The following SGTA variants were observed in gnomAD, a reference collection of about 807,000 sequenced individuals.
SGTA encodes small glutamine rich tetratricopeptide repeat co-chaperone alpha.
A neutral mutation model predicts 44.3 loss-of-function variants in SGTA; 22 were observed. The ratio of observed to expected loss-of-function variants is 0.50; its 90% CI spans 0.36 to 0.71. The LOEUF (loss-of-function observed/expected upper bound fraction) is 0.71. Among genes scored for constraint, SGTA ranks in the 30% least tolerant of loss-of-function variants. The pLI is 0.00. For synonymous variants in SGTA, 174 were observed against 177.6 expected, an observed-to-expected ratio of 0.98 and a Z score of 0.16; for missense variants, 341 against 435.9, an observed-to-expected ratio of 0.78 and a Z score of 1.94.
At chr19:2,759,216 T>A in intron 9 of SGTA, 41 bp downstream of exon 9, 1 of 1,595,636 alleles carries the variant, frequency 6.3e-7, no homozygotes, top group Non-Finnish European at 8.6e-7. Context: ...AAAAGGAAAT[T>A]TAACCACAAC....
At chr19:2,774,109 G>C (rs528815459) in intron 1 of SGTA, among the ~76,000 whole-genome samples, 1 of 152,232 alleles carries the variant, frequency 6.6e-6, no homozygotes, top group African/African-American at 2.4e-5. Context: ...GAGAGACGAT[G>C]AACTCTGTTT....
rs1568305595 is a variant in SGTA, at chr19:2,754,912, G to C, written c.*1028C>G. 1 of 152,298 alleles carries C rather than the reference G, an allele frequency of 6.6e-6. No homozygotes were observed. Among genetic ancestry groups the C allele is most frequent in the Non-Finnish European group, 1.5e-5 (1 of 68,126 alleles). 9.4% of individuals were successfully genotyped at this position (152,298 alleles called of 1,614,324 possible). A position where few individuals can be genotyped will look rare whatever the true frequency, so the allele number is the denominator to read the frequency against. The stretch of plus-strand genomic sequence containing the variant: ...CCAGGATGCTCCGACTGACAACCCT[G>C]CTGCTGGGACCACGGCGCCGTGGGC... On this transcript the variant is annotated 3_prime_UTR_variant, in exon 12 of 12. Transcript: ENST00000221566. The surrounding 1 kb of genome is among the most constrained non-coding windows in gnomAD (Gnocchi z 4.4).
Position 2,755,239 on chromosome 19 carries a change from C to A in SGTA, c.*701G>T, listed in dbSNP as rs1457940969. 1 of 217,004 alleles carries A rather than the reference C, an allele frequency of 4.6e-6. No individual in the cohort carries two copies. Among genetic ancestry groups the A allele is most frequent in the African/African-American group, 2.3e-5 (1 of 42,702 alleles). 13.4% of individuals were successfully genotyped at this position (217,004 alleles called of 1,614,324 possible). Reference sequence around the variant, plus strand: ...GCCCCTGGCTCTCAGTCGCGAGGACCAGAAAATGAGGGTGGGAGGAGGGGA... The same window carrying A: ...GCCCCTGGCTCTCAGTCGCGAGGACAAGAAAATGAGGGTGGGAGGAGGGGA... On this transcript the variant is annotated 3_prime_UTR_variant, in exon 12 of 12. Transcript: ENST00000221566. This position sits in a 1 kb window ranked among gnomAD's most constrained non-coding sequence, Gnocchi z 5.2.
In SGTA at chr19:2,754,818, C is replaced by G. The variant is rs948747621; in HGVS notation, c.*1122G>C. 1 of 152,292 alleles carries G rather than the reference C, an allele frequency of 6.6e-6. No homozygotes were observed. The highest frequency in any genetic ancestry group is 1.5e-5 in the Non-Finnish European group (1 of 68,126). 9.4% of individuals were successfully genotyped at this position (152,292 alleles called of 1,614,324 possible). On this transcript the variant is annotated 3_prime_UTR_variant, in exon 12 of 12. Transcript: ENST00000221566. This position sits in a 1 kb window ranked among gnomAD's most constrained non-coding sequence, Gnocchi z 4.4. ...AGCGGCTGCAGGGCCGCGGCGGCCC[C>G]CGTTCCTACTGCTACCTACGATACA...
At chr19:2,781,452 T>C (rs1915573844) in intron 1 of SGTA, among the ~76,000 whole-genome samples, 1 of 152,210 alleles carries the variant, frequency 6.6e-6, no homozygotes, top group Admixed American at 6.5e-5. Flanking sequence ...CGAAATCAAC[T>C]ACAGGTAACG....
chr19:2,774,489 T>C (rs1187557107), intron 1 of SGTA, among the ~76,000 whole-genome samples: 1 of 152,164 alleles, frequency 6.6e-6, no homozygotes, highest in East Asian at 1.9e-4. Flanking sequence ...CAAATGTCCA[T>C]TTTAACTTTA....
Position 2,763,731 on chromosome 19 carries a change from T to C in SGTA, c.419A>G (p.Asn140Ser). ...NRAAAYSKLG[N>S]YAGAVQDCER... Reference sequence around the variant, plus strand: ...ACAGTCCTGCACCGCGCCTGCGTAGTTGCCGAGTTTGCTGTAGGCTGCGGC... The same window carrying C: ...ACAGTCCTGCACCGCGCCTGCGTAGCTGCCGAGTTTGCTGTAGGCTGCGGC... Residue 140 changes from asparagine to serine, a missense_variant, in exon 6 of 12, where the codon AAC becomes AGC. Coordinates refer to ENST00000221566, the MANE Select transcript of SGTA (RefSeq NM_003021.4). This position sits in a 1 kb window ranked among gnomAD's most constrained non-coding sequence, Gnocchi z 5.8. 1 of 1,613,804 alleles carries C rather than the reference T, an allele frequency of 6.2e-7. No homozygotes were observed. Among genetic ancestry groups the C allele is most frequent in the Non-Finnish European group, 8.5e-7 (1 of 1,179,922 alleles).
Position 2,765,101 on chromosome 19 carries a change from C to T in SGTA, c.392+85G>A, listed in dbSNP as rs1372136457. On this transcript the variant is annotated intron_variant, in intron 5 of 11. Transcript: ENST00000221566. The surrounding 1 kb of genome is among the most constrained non-coding windows in gnomAD (Gnocchi z 5.5). ...TCCCTCATCTACAGCGCAGAGGCCT[C>T]TCCCATCTCAGGTCCCTGCTAAGCA... The T allele has an allele frequency of 6.2e-5, 57 of 915,628 alleles. No individual in the cohort carries two copies. The highest frequency in any genetic ancestry group is 9.9e-5 in the Non-Finnish European group (55 of 556,936). 56.7% of individuals were successfully genotyped at this position (915,628 alleles called of 1,614,324 possible). A position where few individuals can be genotyped will look rare whatever the true frequency, so the allele number is the denominator to read the frequency against.
At position 2,765,019 on chromosome 19, in the gene SGTA, G is replaced by C. The variant is rs111267543; in HGVS notation, c.392+167C>G. ...TTTTAAATCAGCATCGACTCTCCCC[G>C]ACCCCGTTGCTGGTCACCTGATGCT... is the stretch of plus-strand genomic sequence containing the variant. On this transcript the variant is annotated intron_variant, in intron 5 of 11. Transcript: ENST00000221566. This position sits in a 1 kb window ranked among gnomAD's most constrained non-coding sequence, Gnocchi z 5.5. Among the ~76,000 whole-genome samples, 3 of 151,936 alleles carry C rather than the reference G, an allele frequency of 2.0e-5. No homozygotes were observed. Among genetic ancestry groups the C allele is most frequent in the Non-Finnish European group, 2.9e-5 (2 of 68,006 alleles).
In SGTA at chr19:2,765,188, G is replaced by A; in HGVS notation, c.390C>T (p.Asn130=). 1 of 1,613,306 alleles carries A rather than the reference G, an allele frequency of 6.2e-7. No homozygotes were observed. The highest frequency in any genetic ancestry group is 1.3e-5 in the African/African-American group (1 of 75,038). Residue 130 remains asparagine (N), a splice_region_variant and synonymous_variant, in exon 5 of 12, where the codon AAC becomes AAT. Transcript: ENST00000221566. This position sits in a 1 kb window ranked among gnomAD's most constrained non-coding sequence, Gnocchi z 5.5. ...LNPANAVYFC[N]RAAAYSKLGN... is the part of the protein sequence containing the mutation. The stretch of plus-strand genomic sequence containing the variant: ...CTGGGCAGGCCCTGAGCTGGTACCT[G>A]TTGCAGAAATAGACGGCGTTGGCTG...
chr19:2,781,965 C>T lies in SGTA; in HGVS notation c.-24+1268G>A, dbSNP rs542728213. On this transcript the variant is annotated intron_variant, in intron 1 of 11. Transcript: ENST00000221566. The stretch of plus-strand genomic sequence containing the variant: ...CAAGGGATTCTCCTGCCTCAGCCTC[C>T]TGAGTAGCTGGGATTACAGGTGCAC... Among the ~76,000 whole-genome samples the T allele has an allele frequency of 1.2e-4, 19 of 152,152 alleles. 2 individuals are homozygous for T. In the South Asian group the frequency reaches 3.9e-3, roughly 32 times the overall value.
chr19:2,777,060 C>G (rs1915459806), intron 1 of SGTA, among the ~76,000 whole-genome samples: 1 of 150,620 alleles, frequency 6.6e-6, no homozygotes. Context: ...ATCAGGAGTT[C>G]GAGACCAGCC....
At chr19:2,762,397 C>A in intron 7 of SGTA, 109 bp downstream of exon 7, 3 of 1,118,532 alleles carry the variant, frequency 2.7e-6, no homozygotes, top group Non-Finnish European at 3.9e-6. Context: ...AACCCCGGAC[C>A]CTCACGACAC....
Position 2,767,517 on chromosome 19 carries a change from AG to A in SGTA, c.207+62del, listed in dbSNP as rs1915179462. The A allele has an allele frequency of 7.2e-7, 1 of 1,384,730 alleles. No homozygotes were observed. Among genetic ancestry groups the A allele is most frequent in the African/African-American group, 1.4e-5 (1 of 70,536 alleles). 85.8% of individuals were successfully genotyped at this position (1,384,730 alleles called of 1,614,324 possible). On this transcript the variant is annotated intron_variant, in intron 3 of 11. Coordinates refer to ENST00000221566, the MANE Select transcript of SGTA (RefSeq NM_003021.4). The surrounding 1 kb of genome is among the most constrained non-coding windows in gnomAD (Gnocchi z 7.3). ...TGAGAGCGGGGCTCCTGGGGTCCCC[AG>A]GGCTGCCTGCTGTTGCTGTTCTTAT...
At chr19:2,768,568 G>A (rs1411352050) in intron 2 of SGTA, among the ~76,000 whole-genome samples, 1 of 152,242 alleles carries the variant, frequency 6.6e-6, no homozygotes, top group African/African-American at 2.4e-5. Context: ...GACAGGCCAT[G>A]CAGGATGCCA....
chr19:2,758,315 G>A (rs1299528593), intron 9 of SGTA, among the ~76,000 whole-genome samples: 1 of 152,160 alleles, frequency 6.6e-6, no homozygotes, highest in Non-Finnish European at 1.5e-5. Context: ...GATCACCTGA[G>A]GTCAGGAGTT....
intron 1 of SGTA, among the ~76,000 whole-genome samples, chr19:2,769,855 G>C (rs1298678621): frequency 6.8e-5 from 5 of 73,126 alleles, no homozygotes; most frequent in South Asian, 9.7e-4. Flanking sequence ...GGTTCCCCCA[G>C]CGGACACCAG....
chr19:2,771,444 C>T (rs531266739), intron 1 of SGTA, among the ~76,000 whole-genome samples: 1 of 152,188 alleles, frequency 6.6e-6, no homozygotes, highest in South Asian at 2.1e-4. Flanking sequence ...ATCATGATTC[C>T]TCGTGGTGAG....
chr19:2,772,442 G>C (rs1915335319), intron 1 of SGTA, among the ~76,000 whole-genome samples: 1 of 152,232 alleles, frequency 6.6e-6, no homozygotes, highest in South Asian at 2.1e-4. Context: ...CACAGTGCAA[G>C]GGGTCTCTGC....
Sources: gnomAD v4.1 joint callset for allele counts (sites outside exome capture counted in the v4.1 genomes callset) on GRCh38, gnomAD v4.1.1 for gene constraint, Gnocchi (gnomAD v3.1) non-coding constraint, MANE v1.5 for transcripts, NCBI Gene and HGNC (gene_info 2026-07-23, HGNC 2026-07-21) for gene names.